Variants in FARS2 observed in about 807,000 individuals in gnomAD.
FARS2 encodes the protein phenylalanine--tRNA ligase, mitochondrial.
A neutral mutation model predicts 46.4 loss-of-function variants in FARS2; 40 were observed. The observed-to-expected ratio is 0.86, with a 90% CI of 0.67 to 1.12. FARS2 has a LOEUF of 1.12. Among genes scored for constraint, FARS2 ranks in the 50% most tolerant of loss-of-function variants. The probability of loss-of-function intolerance (pLI) is 0.00; values close to 1 mark genes in which losing one functional copy is unlikely to be tolerated. For synonymous variants in FARS2, 234 were observed against 214.9 expected, an observed-to-expected ratio of 1.09 and a Z score of -0.78; for missense variants, 513 against 567.9, an observed-to-expected ratio of 0.90 and a Z score of 0.98.
At position 5,545,263 on chromosome 6, in the gene FARS2, C is replaced by T. The variant is rs757442324; in HGVS notation, c.988C>T (p.Arg330Cys). ...AMILYDIPDI[R>C]LFWCEDERFL... is the part of the protein sequence containing the mutation. ...GATCCTCTACGACATCCCTGATATC[C>T]GTCTCTTCTGGTGTGAGGACGAGCG... The change falls in exon 5 of 7, where the codon CGT (arginine) becomes TGT (cysteine). Residue 330 changes from arginine (R) to cysteine (C), a missense_variant. Coordinates refer to ENST00000274680, the MANE Select transcript of FARS2 (RefSeq NM_006567.5). 18 of 1,613,900 alleles carry T rather than the reference C, an allele frequency of 1.1e-5. No individual in the cohort carries two copies. Among genetic ancestry groups the T allele is most frequent in the Admixed American group, 6.7e-5 (4 of 59,996 alleles).
At chr6:5,416,824 A>G (rs1762266435) in intron 3 of FARS2, among the ~76,000 whole-genome samples, 1 of 152,114 alleles carries the variant, frequency 6.6e-6, no homozygotes, top group Non-Finnish European at 1.5e-5. Flanking sequence ...TCACAGTCTC[A>G]CTTCACTTTG....
chr6:5,670,783 C>T (rs774177769), intron 6 of FARS2, among the ~76,000 whole-genome samples: 1 of 152,080 alleles, frequency 6.6e-6, no homozygotes, highest in Non-Finnish European at 1.5e-5. Context: ...GCAGTGTCAT[C>T]GCTCCAAAAG....
At chr6:5,581,306 C>T (rs1773313356) in intron 5 of FARS2, among the ~76,000 whole-genome samples, 1 of 152,198 alleles carries the variant, frequency 6.6e-6, no homozygotes, top group Admixed American at 6.5e-5. Flanking sequence ...AAGTTAAAAA[C>T]AAAACCCACG....
intron 6 of FARS2, among the ~76,000 whole-genome samples, chr6:5,626,727 A>G (rs1489821362): frequency 6.6e-6 from 1 of 152,254 alleles, no homozygotes; most frequent in African/African-American, 2.4e-5. Context: ...GACAAAATCA[A>G]CAAAATTCCA....
At chr6:5,677,755 A>G (rs1778838518) in intron 6 of FARS2, among the ~76,000 whole-genome samples, 1 of 152,194 alleles carries the variant, frequency 6.6e-6, no homozygotes, top group African/African-American at 2.4e-5. Context: ...TCTCACACAT[A>G]TAGTTTTATC....
chr6:5,570,407 ATCTTC>A (rs1409909987), intron 5 of FARS2, among the ~76,000 whole-genome samples: 1 of 152,188 alleles, frequency 6.6e-6, no homozygotes, highest in East Asian at 1.9e-4. Context: ...AAACCACAAC[ATCTTC>A]TCTTTATTTC....
rs111928568 is a variant in FARS2 at position 5,556,336 on chromosome 6, C to T, written c.1065+10996C>T. Among the ~76,000 whole-genome samples the T allele has an allele frequency of 3.0e-4, 45 of 152,088 alleles. 1 individual carries two copies. Among genetic ancestry groups the T allele is most frequent in the African/African-American group, 9.9e-4 (41 of 41,436 alleles). On this transcript the variant is annotated intron_variant, in intron 5 of 6. Transcript: ENST00000274680. ...AGTATAGAAATCAGGGTCATCGTGGCGCATTCAACGAACTTAACTATATTG... is the reference window on the plus strand; with the variant it reads ...AGTATAGAAATCAGGGTCATCGTGGTGCATTCAACGAACTTAACTATATTG...
At chr6:5,637,465 G>A (rs1476429781) in intron 6 of FARS2, among the ~76,000 whole-genome samples, 4 of 152,146 alleles carry the variant, frequency 2.6e-5, no homozygotes, top group South Asian at 2.1e-4. Context: ...AAAGCAGCTC[G>A]CCCAGGGAGC....
chr6:5,741,532 C>A (rs568238104), intron 6 of FARS2, among the ~76,000 whole-genome samples: 1 of 152,218 alleles, frequency 6.6e-6, no homozygotes, highest in Non-Finnish European at 1.5e-5. Flanking sequence ...ACTCCTGTAC[C>A]TTTGCTTCCA....
At chr6:5,614,390 C>T (rs1205749006) in intron 6 of FARS2, among the ~76,000 whole-genome samples, 2 of 151,686 alleles carry the variant, frequency 1.3e-5, no homozygotes, top group Non-Finnish European at 1.5e-5. Flanking sequence ...CATTCAGACT[C>T]CCACCTGTTT....
intron 6 of FARS2, among the ~76,000 whole-genome samples, chr6:5,661,206 T>G (rs760585995): frequency 3.5e-4 from 53 of 152,210 alleles, no homozygotes; most frequent in Admixed American, 3.0e-3. Flanking sequence ...TGGAACCAGA[T>G]GGATGATGCT....
intron 4 of FARS2, among the ~76,000 whole-genome samples, chr6:5,506,214 C>T (rs1005377816): frequency 1.4e-4 from 22 of 152,188 alleles, no homozygotes; most frequent in Admixed American, 9.8e-4. Flanking sequence ...AGCTCCGCCT[C>T]ATCCAGAAAT....
chr6:5,571,106 A>G lies in FARS2; in HGVS notation c.1065+25766A>G, dbSNP rs373809477. 2.6e-5 allele frequency among the ~76,000 whole-genome samples: 4 copies of G among 152,236 alleles called. No individual in the cohort carries two copies. The East Asian group carries it at 5.8e-4, about 22-fold the overall frequency. On this transcript the variant is annotated intron_variant, in intron 5 of 6. Transcript: ENST00000274680. ...TTACTTCCACATCGTGCATCTATTA[A>G]AGGCAAATATGCAGCCGTTAGTATG...
intron 4 of FARS2, among the ~76,000 whole-genome samples, chr6:5,508,222 AAG>A (rs1561672136): frequency 6.6e-6 from 1 of 152,244 alleles, no homozygotes; most frequent in Admixed American, 6.5e-5. Context: ...AGTGTGCACC[AAG>A]AGAGGAATTT....
intron 5 of FARS2, among the ~76,000 whole-genome samples, chr6:5,566,804 G>A (rs1264259367): frequency 6.6e-6 from 1 of 152,084 alleles, no homozygotes; most frequent in African/African-American, 2.4e-5. Flanking sequence ...AAGATGTTCC[G>A]CTTTTGAACT....
intron 5 of FARS2, among the ~76,000 whole-genome samples, chr6:5,607,285 A>ATGTG (rs200898031): frequency 0.045 from 3,389 of 74,848 alleles, 90 homozygotes; most frequent in African/African-American, 0.1. Flanking sequence ...AATAATATGT[A>ATGTG]TGTGTGTGTG....
chr6:5,297,729 A>G (rs773370721), intron 1 of FARS2, among the ~76,000 whole-genome samples: 1 of 152,246 alleles, frequency 6.6e-6, no homozygotes, highest in Non-Finnish European at 1.5e-5. Flanking sequence ...TGCATATTTT[A>G]TGACTTTTTC....
At chr6:5,669,688 T>G (rs1430201726) in intron 6 of FARS2, among the ~76,000 whole-genome samples, 1 of 152,174 alleles carries the variant, frequency 6.6e-6, no homozygotes, top group African/African-American at 2.4e-5. Flanking sequence ...TCCCAAATCC[T>G]GCCCTGCTAG....
intron 4 of FARS2, among the ~76,000 whole-genome samples, chr6:5,543,022 C>G (rs1285034513): frequency 6.6e-6 from 1 of 151,852 alleles, no homozygotes; most frequent in Non-Finnish European, 1.5e-5. Context: ...GGTGGATGAC[C>G]CATGTACACT....
Sources: allele counts gnomAD v4.1 joint callset (sites outside exome capture counted in the v4.1 genomes callset), GRCh38; gene constraint gnomAD v4.1.1; transcripts MANE v1.5; gene names NCBI Gene and HGNC (gene_info 2026-07-23, HGNC 2026-07-21).